The following EDARADD variants were observed in gnomAD, a reference collection of about 807,000 sequenced individuals.
EDARADD encodes ectodysplasin-A receptor-associated adapter protein.
Under a neutral mutation model 25.6 loss-of-function variants are expected in EDARADD, and 20 were observed. The observed-to-expected ratio is 0.78, with a 90% CI of 0.55 to 1.14. The LOEUF is 1.14. Among genes scored for constraint, EDARADD ranks in the 50% most tolerant of loss-of-function variants. The probability of loss-of-function intolerance (pLI) is 0.00; values close to 1 mark genes in which losing one functional copy is unlikely to be tolerated. For missense variants in EDARADD, 225 were observed against 270.1 expected (o/e 0.83, Z 1.17); for synonymous variants, 86 against 94.4 (o/e 0.91, Z 0.52).
At chr1:236,449,956 C>T (rs1232863616) in intron 4 of EDARADD, among the ~76,000 whole-genome samples, 1 of 152,126 alleles carries the variant, frequency 6.6e-6, no homozygotes, top group Non-Finnish European at 1.5e-5. Context: ...CAAAAATTAG[C>T]CGGGTGTAGT....
intron 3 of EDARADD, among the ~76,000 whole-genome samples, chr1:236,425,159 A>G (rs1657882094): frequency 6.6e-6 from 1 of 152,240 alleles, no homozygotes; most frequent in African/African-American, 2.4e-5. Flanking sequence ...CACTATGGCA[A>G]GATGAGCTCT....
chr1:236,411,020 A>G (rs1223200181), intron 2 of EDARADD, among the ~76,000 whole-genome samples: 1 of 152,132 alleles, frequency 6.6e-6, no homozygotes, highest in Non-Finnish European at 1.5e-5. Context: ...AGTGTTATTC[A>G]GTTTGCCTTC....
intron 3 of EDARADD, among the ~76,000 whole-genome samples, chr1:236,368,735 C>T (rs528310124): frequency 3.9e-5 from 6 of 152,146 alleles, no homozygotes; most frequent in East Asian, 1.9e-4. Context: ...CCACCGCATG[C>T]GGCTTTTATC....
At chr1:236,352,810 T>C (rs541150712) in intron 3 of EDARADD, among the ~76,000 whole-genome samples, 1 of 152,196 alleles carries the variant, frequency 6.6e-6, no homozygotes, top group South Asian at 2.1e-4. Flanking sequence ...ATTGTGCCAC[T>C]GTACTCCAGC....
At chr1:236,391,862 T>C (rs990303445), upstream of EDARADD, among the ~76,000 whole-genome samples, 1 of 152,208 alleles carries the variant, frequency 6.6e-6, no homozygotes, top group Non-Finnish European at 1.5e-5. Flanking sequence ...GCTGCAGCCT[T>C]GTGCCCATGA....
rs1049935321 is a variant in EDARADD, at chr1:236,395,453, AAGG to A, written c.61+954_61+956del. On this transcript the variant is annotated intron_variant, in intron 1 of 5. Transcript: ENST00000334232. This position sits in a 1 kb window ranked among gnomAD's most constrained non-coding sequence, Gnocchi z 6.9. The stretch of plus-strand genomic sequence containing the variant: ...AGGAAGTGAGCTCGTGGAAGAAGCG[AAGG>A]AGGAGAAGAAGAAGGGAGGGGAAGG... The A allele has an allele frequency of 2.0e-6, 3 of 1,481,716 alleles. No individual in the cohort carries two copies. Among genetic ancestry groups the A allele is most frequent in the African/African-American group, 1.4e-5 (1 of 70,452 alleles). The allele number at this position is 1,481,716 out of a possible 1,614,324, so 91.8% of individuals were successfully genotyped here.
At chr1:236,356,275 A>G (rs1666974705) in intron 3 of EDARADD, among the ~76,000 whole-genome samples, 1 of 152,158 alleles carries the variant, frequency 6.6e-6, no homozygotes, top group Admixed American at 6.5e-5. Flanking sequence ...GGAGGAAGGG[A>G]GGAGATGAAT....
intron 4 of EDARADD, among the ~76,000 whole-genome samples, chr1:236,461,774 G>A (rs186801644): frequency 3.1e-4 from 47 of 152,232 alleles, no homozygotes; most frequent in African/African-American, 1.1e-3. Context: ...AACCAGCCTG[G>A]GGCATGCTTT....
chr1:236,482,575 G>C lies in EDARADD; in HGVS notation c.574G>C (p.Glu192Gln). Residue 192 changes from glutamate to glutamine, a missense_variant, in exon 6 of 6, where the codon GAG becomes CAG. By Grantham distance (29) the Glu-to-Gln change is conservative. Transcript: ENST00000334232. ...LCRLYHRADV[E>Q]KVLRRWVDEE... ...CAGGCTCTACCACAGGGCCGACGTG[G>C]AGAAGGTTCTGCGCAGGTGGGTGGA... The C allele has an allele frequency of 6.2e-7, 1 of 1,613,546 alleles. No homozygotes were observed. The highest frequency in any genetic ancestry group is 8.5e-7 in the Non-Finnish European group (1 of 1,180,022).
Position 236,381,501 on chromosome 1 carries a change from A to G in EDARADD, c.-5-27715A>G, listed in dbSNP as rs1248228713. On this transcript the variant is annotated intron_variant, in intron 3 of 7. Transcript: ENST00000439430. Reference sequence around the variant, plus strand: ...TTTTTAAGTGATATTACAACAATTCATGCATAAAAATCCTTAGCTTCCATA... The same window carrying G: ...TTTTTAAGTGATATTACAACAATTCGTGCATAAAAATCCTTAGCTTCCATA... 4.6e-5 allele frequency among the ~76,000 whole-genome samples: 7 copies of G among 152,058 alleles called. No homozygotes were observed. The South Asian group carries it at 1.4e-3, about 31-fold the overall frequency.
At chr1:236,405,488 CAGA>C (rs1295873567) in intron 1 of EDARADD, among the ~76,000 whole-genome samples, 4 of 152,278 alleles carry the variant, frequency 2.6e-5, no homozygotes, top group African/African-American at 9.6e-5. Context: ...CCTCATGGTG[CAGA>C]GGAAGAGCCC....
At chr1:236,349,801 A>G (rs192475164) in intron 2 of EDARADD, among the ~76,000 whole-genome samples, 3 of 152,098 alleles carry the variant, frequency 2.0e-5, no homozygotes. Flanking sequence ...AAGGAAGGAA[A>G]AAAAAAGGGC....
chr1:236,444,017 C>A (rs1001120470), intron 4 of EDARADD, among the ~76,000 whole-genome samples: 1 of 152,182 alleles, frequency 6.6e-6, no homozygotes, highest in Admixed American at 6.5e-5. Flanking sequence ...GAGCAGTCAG[C>A]AGCCATCAGC....
intron 4 of EDARADD, among the ~76,000 whole-genome samples, chr1:236,467,082 C>A (rs200564205): frequency 8.1e-5 from 12 of 147,684 alleles, no homozygotes; most frequent in Non-Finnish European, 9.0e-5. Context: ...AACAAAAAAA[C>A]AAAAAAAAAA....
chr1:236,353,376 A>T (rs1432006274), intron 3 of EDARADD, among the ~76,000 whole-genome samples: 2 of 152,068 alleles, frequency 1.3e-5, no homozygotes, highest in Non-Finnish European at 2.9e-5. Context: ...TTACACAAGG[A>T]GATGTTACAT....
chr1:236,472,705 C>T (rs912294671), intron 5 of EDARADD, among the ~76,000 whole-genome samples: 3 of 152,144 alleles, frequency 2.0e-5, no homozygotes, highest in Non-Finnish European at 2.9e-5. Flanking sequence ...ATGCTTCTTA[C>T]GTGTGCTAGG....
intron 5 of EDARADD, among the ~76,000 whole-genome samples, chr1:236,480,346 C>T (rs1266712720): frequency 6.6e-6 from 1 of 151,746 alleles, no homozygotes; most frequent in East Asian, 1.9e-4. Flanking sequence ...GTTTTTGAAA[C>T]TTAATAATGT....
chr1:236,380,626 C>T (rs1667286735), intron 3 of EDARADD, among the ~76,000 whole-genome samples: 1 of 152,070 alleles, frequency 6.6e-6, no homozygotes, highest in Admixed American at 6.5e-5. Flanking sequence ...GCTAAAGTCC[C>T]CTTTAAGCAT....
intron 4 of EDARADD, among the ~76,000 whole-genome samples, chr1:236,461,718 T>G (rs1156334444): frequency 1.3e-5 from 2 of 152,190 alleles, no homozygotes; most frequent in African/African-American, 4.8e-5. Context: ...CAACTTGGTC[T>G]TGGTGTTCGT....
Sources: gnomAD v4.1 joint callset for allele counts (sites outside exome capture counted in the v4.1 genomes callset) on GRCh38, gnomAD v4.1.1 for gene constraint, Gnocchi (gnomAD v3.1) non-coding constraint, MANE v1.5 for transcripts, NCBI Gene and HGNC (gene_info 2026-07-23, HGNC 2026-07-21) for gene names.